The following ADARB2 variants were observed in gnomAD, a reference collection of about 807,000 sequenced individuals.
ADARB2 encodes the protein adenosine deaminase RNA specific B2 (inactive).
In ADARB2, 25 loss-of-function variants were observed where a neutral mutation model predicts 62.2. That is an observed-to-expected ratio of 0.40 (90% CI 0.29 to 0.56). The LOEUF is 0.56. ADARB2 is among the 20% of genes least tolerant of loss of function. The probability of loss-of-function intolerance (pLI) is 0.43; values close to 1 mark genes in which losing one functional copy is unlikely to be tolerated. For synonymous variants in ADARB2, 572 were observed against 500.8 expected, an observed-to-expected ratio of 1.14 and a Z score of -1.90; for missense variants, 1,071 against 1,077.4, an observed-to-expected ratio of 0.99 and a Z score of 0.08.
chr10:1,353,343 G>GCGAA (rs1801509790), intron 3 of ADARB2, among the ~76,000 whole-genome samples: 1 of 152,088 alleles, frequency 6.6e-6, no homozygotes, highest in South Asian at 2.1e-4. Flanking sequence ...TCCCTCCTTA[G>GCGAA]CGAACATCCG....
At chr10:1,537,865 C>CTA (rs1832354125) in intron 1 of ADARB2, among the ~76,000 whole-genome samples, 1 of 152,074 alleles carries the variant, frequency 6.6e-6, no homozygotes, top group Non-Finnish European at 1.5e-5. Context: ...TAATGCATGC[C>CTA]GGTCTTAAAA....
chr10:1,442,258 C>T (rs1312609195), intron 1 of ADARB2, among the ~76,000 whole-genome samples: 1 of 152,160 alleles, frequency 6.6e-6, no homozygotes, highest in Non-Finnish European at 1.5e-5. Flanking sequence ...GGTTTCCCTC[C>T]TTGGTAGGTG....
intron 1 of ADARB2, among the ~76,000 whole-genome samples, chr10:1,589,311 C>T (rs1010209756): frequency 5.3e-5 from 8 of 152,320 alleles, no homozygotes; most frequent in South Asian, 2.1e-4. Flanking sequence ...GACCCTGCCA[C>T]GGTCAGGGCA....
chr10:1,188,490 G>A (rs895515904), intron 8 of ADARB2, among the ~76,000 whole-genome samples: 2 of 152,026 alleles, frequency 1.3e-5, no homozygotes, highest in African/African-American at 4.8e-5. Context: ...ACAGGACCAT[G>A]TGCTTACGCT....
At position 1,716,894 on chromosome 10, in the gene ADARB2, G is replaced by A. The variant is rs565325273; in HGVS notation, c.100+20157C>T. 4.2e-4 allele frequency among the ~76,000 whole-genome samples: 64 copies of A among 152,256 alleles called. 1 individual carries two copies. The highest frequency in any genetic ancestry group is 1.5e-3 in the African/African-American group (61 of 41,558). On this transcript the variant is annotated intron_variant, in intron 1 of 9. Coordinates refer to ENST00000381312, the MANE Select transcript of ADARB2 (RefSeq NM_018702.4). ...TAACCGTAAAGTTTACATATACCTT[G>A]AATAACAATAAACCACATGCAGGCC...
Position 1,248,804 on chromosome 10 carries a change from A to G in ADARB2, c.1193-6505T>C, listed in dbSNP as rs79744603. On this transcript the variant is annotated intron_variant, in intron 4 of 9. Transcript: ENST00000381312. The stretch of plus-strand genomic sequence containing the variant: ...AGTCACAGAAAATATACGAATTTCT[A>G]TAGAATAAGTGGAAAAGCTGGCCAA... 7.2e-5 allele frequency among the ~76,000 whole-genome samples: 11 copies of G among 152,342 alleles called. No homozygotes were observed. The East Asian group carries it at 1.7e-3, about 24-fold the overall frequency.
chr10:1,714,082 T>C (rs1218790603), intron 1 of ADARB2, among the ~76,000 whole-genome samples: 1 of 152,222 alleles, frequency 6.6e-6, no homozygotes, highest in Non-Finnish European at 1.5e-5. Flanking sequence ...AGGAAGGTAC[T>C]CTTTGGACTG....
At chr10:1,654,582 A>G (rs964885402) in intron 1 of ADARB2, among the ~76,000 whole-genome samples, 3 of 152,166 alleles carry the variant, frequency 2.0e-5, no homozygotes, top group African/African-American at 7.2e-5. Context: ...CTCACTCCCC[A>G]GCTTCCCACT....
intron 1 of ADARB2, among the ~76,000 whole-genome samples, chr10:1,617,309 C>T (rs12414717): frequency 0.13 from 8,248 of 64,312 alleles, 51 homozygotes; most frequent in East Asian, 0.18. Flanking sequence ...TCCAGACACA[C>T]TCCACACCGC....
At chr10:1,478,250 G>A (rs1831426020) in intron 1 of ADARB2, among the ~76,000 whole-genome samples, 2 of 152,214 alleles carry the variant, frequency 1.3e-5, no homozygotes, top group Admixed American at 1.3e-4. Context: ...GAGCTGCACA[G>A]ATGTGATGGA....
chr10:1,707,651 T>C (rs1834905511), intron 1 of ADARB2, among the ~76,000 whole-genome samples: 2 of 152,096 alleles, frequency 1.3e-5, no homozygotes, highest in African/African-American at 2.4e-5. Context: ...GTCTGGAGAG[T>C]GTGGGTTAAC....
chr10:1,246,343 TA>T (rs1305389300), intron 4 of ADARB2, among the ~76,000 whole-genome samples: 1 of 142,736 alleles, frequency 7.0e-6, no homozygotes, highest in Admixed American at 7.0e-5. Flanking sequence ...TTAGTTTAGT[TA>T]GATCCCATTT....
intron 4 of ADARB2, among the ~76,000 whole-genome samples, chr10:1,258,593 G>C (rs1241620827): frequency 4.6e-5 from 7 of 152,140 alleles, no homozygotes; most frequent in African/African-American, 1.7e-4. Flanking sequence ...TCAACAAGAA[G>C]AACTAACTAT....
At chr10:1,310,520 A>G (rs1357537794) in intron 3 of ADARB2, among the ~76,000 whole-genome samples, 1 of 152,288 alleles carries the variant, frequency 6.6e-6, no homozygotes, top group African/African-American at 2.4e-5. Flanking sequence ...AGGCCCCAGA[A>G]GTGAAAGTCC....
At chr10:1,345,131 G>A (rs2805513) in intron 3 of ADARB2, among the ~76,000 whole-genome samples, 83,092 of 151,656 alleles carry the variant, frequency 0.55, 23,578 homozygotes, top group East Asian at 0.83. Flanking sequence ...GGAAACCGCC[G>A]CAGCCTGGGG....
intron 1 of ADARB2, among the ~76,000 whole-genome samples, chr10:1,641,247 T>C (rs187543765): frequency 7.4e-4 from 113 of 152,354 alleles, no homozygotes; most frequent in Admixed American, 2.2e-3. Context: ...TGACAAAGCA[T>C]GGATTAGCTC....
intron 2 of ADARB2, among the ~76,000 whole-genome samples, chr10:1,370,868 C>T (rs1832363854): frequency 6.6e-6 from 1 of 152,208 alleles, no homozygotes; most frequent in South Asian, 2.1e-4. Context: ...GTTAAAATGT[C>T]CACATTGCCT....
At chr10:1,697,887 A>G (rs532629360) in intron 1 of ADARB2, among the ~76,000 whole-genome samples, 1 of 152,244 alleles carries the variant, frequency 6.6e-6, no homozygotes, top group African/African-American at 2.4e-5. Context: ...TCCCTATTTG[A>G]AGGTTCCTCT....
chr10:1,522,780 A>T (rs1832088871), intron 1 of ADARB2, among the ~76,000 whole-genome samples: 3 of 152,192 alleles, frequency 2.0e-5, no homozygotes, highest in Admixed American at 2.0e-4. Context: ...TTGCACTTCT[A>T]CTTCTCAGAA....
Sources: gnomAD v4.1 joint callset for allele counts (sites outside exome capture counted in the v4.1 genomes callset) on GRCh38, gnomAD v4.1.1 for gene constraint, MANE v1.5 for transcripts, NCBI Gene and HGNC (gene_info 2026-07-23, HGNC 2026-07-21) for gene names.